The following NKAIN2 variants were observed in gnomAD, a reference collection of about 807,000 sequenced individuals.
NKAIN2 encodes the protein sodium/potassium-transporting ATPase subunit beta-1-interacting protein 2.
In NKAIN2, 14 loss-of-function variants were observed where a neutral mutation model predicts 32.6. The ratio of observed to expected loss-of-function variants is 0.43; its 90% CI spans 0.28 to 0.67. The LOEUF is 0.67. Among genes scored for constraint, NKAIN2 ranks in the 30% least tolerant of loss-of-function variants. NKAIN2 has a pLI of 0.17. For missense variants in NKAIN2, 198 were observed against 258.3 expected (o/e 0.77, Z 1.60); for synonymous variants, 80 against 87.2 (o/e 0.92, Z 0.46).
intron 3 of NKAIN2, among the ~76,000 whole-genome samples, chr6:124,630,943 A>G (rs1169912893): frequency 1.3e-5 from 2 of 152,220 alleles, no homozygotes; most frequent in Non-Finnish European, 2.9e-5. Flanking sequence ...CTGAATTTTT[A>G]TAGTACAAAA....
chr6:124,356,416 T>A (rs1798980202), intron 3 of NKAIN2, among the ~76,000 whole-genome samples: 1 of 152,332 alleles, frequency 6.6e-6, no homozygotes, highest in Non-Finnish European at 1.5e-5. Flanking sequence ...CATTTTGATT[T>A]GTTTTTATTC....
intron 1 of NKAIN2, among the ~76,000 whole-genome samples, chr6:124,183,342 T>C (rs1256530535): frequency 2.0e-5 from 3 of 152,132 alleles, no homozygotes; most frequent in Non-Finnish European, 4.4e-5. Context: ...ATTACACTTC[T>C]ATTACTAATA....
intron 1 of NKAIN2, among the ~76,000 whole-genome samples, chr6:124,008,763 T>TGGCGACA (rs1443014906): frequency 6.6e-6 from 1 of 152,182 alleles, no homozygotes; most frequent in Non-Finnish European, 1.5e-5. Context: ...AGGGCTGTCT[T>TGGCGACA]GGCGACAGGC....
chr6:124,470,074 T>A (rs1484465743), intron 3 of NKAIN2, among the ~76,000 whole-genome samples: 1 of 152,122 alleles, frequency 6.6e-6, no homozygotes, highest in East Asian at 1.9e-4. Context: ...GAATCAAAGT[T>A]AGCAAGATGG....
At chr6:124,100,208 T>A (rs73563171) in intron 1 of NKAIN2, among the ~76,000 whole-genome samples, 2,679 of 152,320 alleles carry the variant, frequency 0.018, 80 homozygotes, top group African/African-American at 0.061. Flanking sequence ...CTTGAGTGCA[T>A]CTTTTGAATT....
At chr6:123,833,554 A>C (rs904824563) in intron 1 of NKAIN2, among the ~76,000 whole-genome samples, 41 of 152,184 alleles carry the variant, frequency 2.7e-4, no homozygotes, top group African/African-American at 2.4e-4. Context: ...ATTCCTATTC[A>C]TGAAAAGTAT....
intron 1 of NKAIN2, among the ~76,000 whole-genome samples, chr6:123,965,499 C>T (rs1388506759): frequency 6.6e-6 from 1 of 152,138 alleles, no homozygotes; most frequent in African/African-American, 2.4e-5. Flanking sequence ...ATTACACTCA[C>T]AGTCCTTATT....
chr6:124,432,433 G>T (rs1477691852), intron 3 of NKAIN2, among the ~76,000 whole-genome samples: 1 of 151,996 alleles, frequency 6.6e-6, no homozygotes, highest in Admixed American at 6.6e-5. Context: ...TGCTTTTAGA[G>T]AGCTCTATTT....
At chr6:124,730,690 A>C (rs1364083454) in intron 4 of NKAIN2, among the ~76,000 whole-genome samples, 13 of 150,078 alleles carry the variant, frequency 8.7e-5, no homozygotes, top group Non-Finnish European at 1.6e-4. Context: ...CAATGGCAAC[A>C]AAAGACAAAA....
chr6:124,708,973 GT>G (rs1775272989), intron 4 of NKAIN2, among the ~76,000 whole-genome samples: 1 of 147,462 alleles, frequency 6.8e-6, no homozygotes, highest in South Asian at 2.2e-4. Flanking sequence ...TTGGCTGTGG[GT>G]TTGTCATAGA....
At chr6:123,889,063 T>C (rs1158840517) in intron 1 of NKAIN2, among the ~76,000 whole-genome samples, 1 of 152,110 alleles carries the variant, frequency 6.6e-6, no homozygotes. Context: ...GAAGAGATAT[T>C]ATTTTCTCTA....
At chr6:124,360,086 C>G (rs376177076) in intron 3 of NKAIN2, among the ~76,000 whole-genome samples, 2 of 151,656 alleles carry the variant, frequency 1.3e-5, no homozygotes, top group Non-Finnish European at 2.9e-5. Context: ...TATTGATTTG[C>G]GAATGTTGAA....
intron 1 of NKAIN2, among the ~76,000 whole-genome samples, chr6:124,038,877 G>T (rs2114804461): frequency 6.6e-6 from 1 of 152,142 alleles, no homozygotes; most frequent in South Asian, 2.1e-4. Flanking sequence ...TTTATAAATT[G>T]CTGTACCAGA....
chr6:124,550,771 C>T (rs1438301091), intron 3 of NKAIN2, among the ~76,000 whole-genome samples: 1 of 152,122 alleles, frequency 6.6e-6, no homozygotes, highest in Non-Finnish European at 1.5e-5. Flanking sequence ...AAACTTGAGA[C>T]ACTATTCATT....
chr6:124,536,303 TCAG>T (rs1779712876), intron 3 of NKAIN2, among the ~76,000 whole-genome samples: 1 of 152,140 alleles, frequency 6.6e-6, no homozygotes, highest in South Asian at 2.1e-4. Flanking sequence ...GTTTACCCCT[TCAG>T]CAGGCCAGCC....
intron 1 of NKAIN2, among the ~76,000 whole-genome samples, chr6:123,847,435 C>G (rs1775139394): frequency 6.6e-6 from 1 of 152,080 alleles, no homozygotes; most frequent in Non-Finnish European, 1.5e-5. Context: ...TGGCATGTAT[C>G]CCGGCGGATG....
At chr6:124,465,630 TAAAAA>T (rs5879736) in intron 3 of NKAIN2, among the ~76,000 whole-genome samples, 8 of 140,838 alleles carry the variant, frequency 5.7e-5, no homozygotes, top group Non-Finnish European at 1.1e-4. Context: ...AAAGTAAAGT[TAAAAA>T]AAAAAAAAAA....
rs139496576 is a variant in NKAIN2 at position 123,954,609 on chromosome 6, A to G, written c.54+150355A>G. On this transcript the variant is annotated intron_variant, in intron 1 of 6. Transcript: ENST00000368417. ...ATTTTGGTTTTTCTTTGTGGAAGGGATGAATACCAGCTGCTGCTAGCCAGC... is the reference window on the plus strand; with the variant it reads ...ATTTTGGTTTTTCTTTGTGGAAGGGGTGAATACCAGCTGCTGCTAGCCAGC... Among the ~76,000 whole-genome samples, 7 of 152,282 alleles carry G rather than the reference A, an allele frequency of 4.6e-5. No individual in the cohort carries two copies. The East Asian group carries it at 1.4e-3, about 29-fold the overall frequency.
At chr6:123,991,533 A>G (rs1198731753) in intron 1 of NKAIN2, among the ~76,000 whole-genome samples, 1 of 152,182 alleles carries the variant, frequency 6.6e-6, no homozygotes, top group Non-Finnish European at 1.5e-5. Flanking sequence ...AATTTAGTAA[A>G]GTAAGGAATC....
Sources: gnomAD v4.1 joint callset for allele counts (sites outside exome capture counted in the v4.1 genomes callset) on GRCh38, gnomAD v4.1.1 for gene constraint, MANE v1.5 for transcripts, NCBI Gene and HGNC (gene_info 2026-07-23, HGNC 2026-07-21) for gene names.